ARRB1: variants seen among roughly 807,000 people sequenced by gnomAD.
ARRB1 encodes the protein arrestin beta 1.
A neutral mutation model predicts 56.8 loss-of-function variants in ARRB1; 21 were observed. That is an observed-to-expected ratio of 0.37 (90% CI 0.26 to 0.53). ARRB1 has a LOEUF of 0.53. Ranked by LOEUF, ARRB1 falls within the 20% of genes least tolerant of loss-of-function variation. The pLI is 0.88. For missense variants in ARRB1, 424 were observed against 553.7 expected (o/e 0.77, Z 2.35); for synonymous variants, 210 against 218.6 (o/e 0.96, Z 0.35).
At chr11:75,269,159 C>T (rs767639001) in intron 13 of ARRB1, 200 bp from the exon 14 acceptor site, 1 of 744,422 alleles carries the variant, frequency 1.3e-6, no homozygotes, top group South Asian at 1.4e-5. Flanking sequence ...TCCTCTGGTC[C>T]CAAAAAGAAA....
At chr11:75,273,456 C>T (rs919841228) in intron 11 of ARRB1, among the ~76,000 whole-genome samples, 10 of 152,230 alleles carry the variant, frequency 6.6e-5, no homozygotes, top group African/African-American at 2.2e-4. Context: ...GGAGACAGGG[C>T]AAAAAGCTTC....
intron 3 of ARRB1, 77 bp downstream of exon 3, chr11:75,287,238 A>G: frequency 1.4e-6 from 2 of 1,461,552 alleles, no homozygotes; most frequent in Non-Finnish European, 1.9e-6. Flanking sequence ...GCCCCTCTGG[A>G]GAGCTGAGAG....
At chr11:75,331,136 G>A (rs1011533001) in intron 1 of ARRB1, among the ~76,000 whole-genome samples, 1 of 152,256 alleles carries the variant, frequency 6.6e-6, no homozygotes, top group African/African-American at 2.4e-5. Flanking sequence ...AGCCTCCCAA[G>A]TAGCTGGGAT....
intron 8 of ARRB1, 150 bp downstream of exon 8, chr11:75,278,459 G>A (rs572639380): frequency 1.7e-6 from 2 of 1,153,424 alleles, no homozygotes; most frequent in East Asian, 2.6e-5. Context: ...TCCCCCATGA[G>A]AGGTCTCAGA....
chr11:75,269,871 A>G (rs547409662), intron 13 of ARRB1, among the ~76,000 whole-genome samples: 74 of 152,340 alleles, frequency 4.9e-4, no homozygotes, highest in African/African-American at 1.8e-3. Context: ...GAGACTAACA[A>G]AAGCAACCCT....
At chr11:75,330,400 A>C (rs997548056) in intron 1 of ARRB1, among the ~76,000 whole-genome samples, 1 of 151,872 alleles carries the variant, frequency 6.6e-6, no homozygotes, top group Admixed American at 6.6e-5. Context: ...CTGATCCTCT[A>C]ATCTCTCTGT....
intron 7 of ARRB1, among the ~76,000 whole-genome samples, chr11:75,279,328 G>A (rs1946274442): frequency 6.6e-6 from 1 of 152,218 alleles, no homozygotes; most frequent in Non-Finnish European, 1.5e-5. Context: ...TTCAGTCAGG[G>A]GGATGCAAGC....
intron 1 of ARRB1, among the ~76,000 whole-genome samples, chr11:75,299,833 A>C (rs112989090): frequency 2.6e-5 from 4 of 152,370 alleles, no homozygotes; most frequent in African/African-American, 9.6e-5. Context: ...GTAGGTGCTC[A>C]ATAAATAAAT....
intron 1 of ARRB1, among the ~76,000 whole-genome samples, chr11:75,338,942 G>C (rs147655227): frequency 1.3e-5 from 2 of 152,160 alleles, no homozygotes; most frequent in South Asian, 4.1e-4. Flanking sequence ...AGCTGTAACC[G>C]AGAAAGGATG....
intron 1 of ARRB1, chr11:75,306,770 G>A: frequency 2.2e-6 from 2 of 919,210 alleles, no homozygotes; most frequent in South Asian, 1.7e-5. Context: ...TACGCGTCCT[G>A]TTTCCTCTCC....
chr11:75,339,798 G>A (rs569796), intron 1 of ARRB1, among the ~76,000 whole-genome samples: 16 of 152,230 alleles, frequency 1.1e-4, no homozygotes, highest in African/African-American at 3.1e-4. Context: ...CACAGGGCCC[G>A]GGGTGTGGCA....
At chr11:75,338,391 T>C (rs372840513) in intron 1 of ARRB1, among the ~76,000 whole-genome samples, 1 of 152,160 alleles carries the variant, frequency 6.6e-6, no homozygotes, top group African/African-American at 2.4e-5. Context: ...TTGGGAGCCA[T>C]GTCTCTATCA....
At chr11:75,335,329 A>T (rs1205968295) in intron 1 of ARRB1, 3 of 167,256 alleles carry the variant, frequency 1.8e-5, no homozygotes, top group Admixed American at 6.5e-5. Flanking sequence ...TCACACCTGT[A>T]ATCCCAGCAC....
intron 1 of ARRB1, chr11:75,312,106 C>G (rs1947175575): frequency 1.6e-6 from 2 of 1,289,508 alleles, no homozygotes; most frequent in Non-Finnish European, 2.0e-6. Flanking sequence ...CCTCTCCTCT[C>G]CCATCTCTTG....
At chr11:75,331,740 C>G (rs1947523739) in intron 1 of ARRB1, among the ~76,000 whole-genome samples, 1 of 151,736 alleles carries the variant, frequency 6.6e-6, no homozygotes, top group African/African-American at 2.4e-5. Flanking sequence ...AAATAAACAG[C>G]CTTGTTGCTC....
At chr11:75,271,850 C>T (rs1946080571) in intron 12 of ARRB1, 126 bp from the exon 13 acceptor site, 2 of 1,000,936 alleles carry the variant, frequency 2.0e-6, no homozygotes, top group Non-Finnish European at 1.5e-6. Flanking sequence ...GACACACTCC[C>T]ACCCACCCCC....
At chr11:75,285,334 G>T (rs1438282382) in intron 3 of ARRB1, among the ~76,000 whole-genome samples, 1 of 152,248 alleles carries the variant, frequency 6.6e-6, no homozygotes, top group African/African-American at 2.4e-5. Flanking sequence ...GCAGAGTCCA[G>T]CTGGACACAA....
chr11:75,298,579 G>A (rs780691080), intron 1 of ARRB1, among the ~76,000 whole-genome samples: 6 of 152,150 alleles, frequency 3.9e-5, no homozygotes, highest in African/African-American at 1.4e-4. Context: ...TTCATACATC[G>A]CTGGTGGGAA....
intron 14 of ARRB1, among the ~76,000 whole-genome samples, chr11:75,268,408 G>A (rs34499762): frequency 0.011 from 1,671 of 151,480 alleles, 35 homozygotes; most frequent in African/African-American, 0.039. Context: ...GGGAGGCTGA[G>A]GCAGGAGAAT....
Sources: gnomAD v4.1 joint callset for allele counts (sites outside exome capture counted in the v4.1 genomes callset) on GRCh38, gnomAD v4.1.1 for gene constraint, MANE v1.5 for transcripts, NCBI Gene and HGNC (gene_info 2026-07-23, HGNC 2026-07-21) for gene names.